The following ACP4 variants were observed in gnomAD, a reference collection of about 807,000 sequenced individuals.
ACP4 encodes the protein acid phosphatase 4.
In ACP4, 49 loss-of-function variants were observed where a neutral mutation model predicts 47.3. That is an observed-to-expected ratio of 1.04 (90% CI 0.82 to 1.32). The LOEUF (loss-of-function observed/expected upper bound fraction) is 1.32, where lower values mean the gene tolerates loss of function less well. Ranked by LOEUF, ACP4 falls within the 40% of genes most tolerant of loss-of-function variation. The probability of loss-of-function intolerance (pLI) is 0.00; values close to 1 mark genes in which losing one functional copy is unlikely to be tolerated. For synonymous variants in ACP4, 299 were observed against 265.3 expected, an observed-to-expected ratio of 1.13 and a Z score of -1.23; for missense variants, 594 against 579.3, an observed-to-expected ratio of 1.03 and a Z score of -0.26.
In ACP4 at chr19:50,794,906, C is replaced by T. The variant is rs145678916; in HGVS notation, c.1107C>T (p.Ala369=). The T allele has an allele frequency of 6.6e-5, 107 of 1,613,590 alleles. No homozygotes were observed. Among genetic ancestry groups the T allele is most frequent in the African/African-American group, 5.6e-4 (42 of 75,062 alleles). ...LGRFYQLTAP[A]RPPAHGVSCH... is the part of the protein sequence containing the mutation. ...GCTTCTACCAGCTGACTGCCCCGGC[C>T]CGGCCTCCCGCCCATGGGGTCTCCT... Residue 369 remains alanine (A), a synonymous_variant, in exon 10 of 11, where the codon GCC becomes GCT. Transcript: ENST00000270593.
At position 50,795,185 on chromosome 19, in the gene ACP4, C is replaced by G; in HGVS notation, c.*27C>G. 6.6e-7 allele frequency: 1 copy of G among 1,512,958 alleles called. No homozygotes were observed. Among genetic ancestry groups the G allele is most frequent in the Non-Finnish European group, 8.8e-7 (1 of 1,130,850 alleles). The allele number at this position is 1,512,958 out of a possible 1,614,324, so 93.7% of individuals were successfully genotyped here. A position where few individuals can be genotyped will look rare whatever the true frequency, so the allele number is the denominator to read the frequency against. On this transcript the variant is annotated 3_prime_UTR_variant, in exon 11 of 11. Transcript: ENST00000270593. The stretch of plus-strand genomic sequence containing the variant: ...CCAGAAACCAGGGCTTCCCTACCCC[C>G]AGCTGACACTGGACCCCAACATGTA...
Position 50,794,882 on chromosome 19 carries a change from C to A in ACP4, c.1083C>A (p.Arg361=). 1.2e-6 allele frequency: 2 copies of A among 1,613,816 alleles called. No homozygotes were observed. Among genetic ancestry groups the A allele is most frequent in the Non-Finnish European group, 1.7e-6 (2 of 1,179,976 alleles). The change falls in exon 10 of 11, where the codon CGC becomes CGA. Residue 361 remains arginine, a synonymous_variant. Transcript: ENST00000270593. ...GCCCGGCCCCCTGTCCACTAGGCCGCTTCTACCAGCTGACTGCCCCGGCCC... is the reference window on the plus strand; with the variant it reads ...GCCCGGCCCCCTGTCCACTAGGCCGATTCTACCAGCTGACTGCCCCGGCCC... ...PGCPAPCPLG[R]FYQLTAPARP...
In ACP4 at chr19:50,794,866, C is replaced by T. The variant is rs758684330; in HGVS notation, c.1067C>T (p.Pro356Leu). ...LPLSLPGCPA[P>L]CPLGRFYQLT... ...CTCAGCCTCCCCGGGTGCCCGGCCC[C>T]CTGTCCACTAGGCCGCTTCTACCAG... Residue 356 changes from proline (P) to leucine (L), a missense_variant, in exon 10 of 11, where the codon CCC (proline) becomes CTC (leucine). Coordinates refer to ENST00000270593, the MANE Select transcript of ACP4 (RefSeq NM_033068.3). 9.3e-6 allele frequency: 15 copies of T among 1,613,648 alleles called. No individual in the cohort carries two copies. Among genetic ancestry groups the T allele is most frequent in the Middle Eastern group, 1.6e-4 (1 of 6,078 alleles).
chr19:50,790,660 T>A lies in ACP4; in HGVS notation c.178T>A (p.Ser60Thr). 1 of 1,397,024 alleles carries A rather than the reference T, an allele frequency of 7.2e-7. No individual in the cohort carries two copies. Among genetic ancestry groups the A allele is most frequent in the Admixed American group, 2.1e-5 (1 of 46,778 alleles). 86.5% of individuals were successfully genotyped at this position (1,397,024 alleles called of 1,614,324 possible). ...CATGGACCCACACAAGGAGGTGGCC[T>A]CCACCCTGTGGCCACGAGGCCTGGG... ...YPMDPHKEVA[S>T]TLWPRGLGQL... The change falls in exon 2 of 11, where the codon TCC becomes ACC. Residue 60 changes from serine (S) to threonine (T), a missense_variant. Transcript: ENST00000270593.
intron 8 of ACP4, 52 bp from the exon 9 acceptor site, chr19:50,794,405 G>A: frequency 6.2e-7 from 1 of 1,607,072 alleles, no homozygotes. Flanking sequence ...TAGTGCTCAG[G>A]AGAAAGGCCT....
chr19:50,790,941 C>G, intron 3 of ACP4, 81 bp downstream of exon 3: 1 of 1,352,598 alleles, frequency 7.4e-7, no homozygotes, highest in Admixed American at 2.3e-5. Context: ...CTTTGGGCCT[C>G]CACCTCTGGC....
At chr19:50,792,575 G>T in intron 6 of ACP4, 1 of 499,186 alleles carries the variant, frequency 2.0e-6, no homozygotes, top group Non-Finnish European at 3.5e-6. Flanking sequence ...TGAGGGCCTT[G>T]CCAGGGTTTG....
Position 50,793,752 on chromosome 19 carries a change from G to C in ACP4, c.714G>C (p.Ser238=), listed in dbSNP as rs771651536. 6.2e-6 allele frequency: 10 copies of C among 1,613,676 alleles called. No homozygotes were observed. The highest frequency in any genetic ancestry group is 2.2e-5 in the East Asian group (1 of 44,898). Residue 238 remains serine, a synonymous_variant, in exon 7 of 11, where the codon TCG becomes TCC. Transcript: ENST00000270593. ...PDVLRTLAQI[S]ALDIGAHVGP... ...TCCTGCGGACTCTTGCCCAGATCTC[G>C]GCTTTGGATATTGGAGCCCACGTGG...
chr19:50,792,199 A>G (rs1568464984), intron 5 of ACP4, 28 bp downstream of exon 5: 9 of 1,611,088 alleles, frequency 5.6e-6, no homozygotes, highest in Non-Finnish European at 7.6e-6. Context: ...GGGGGGCGGG[A>G]TGCAGGGGAT....
At position 50,794,967 on chromosome 19, in the gene ACP4, G is replaced by C. The variant is rs1237348822; in HGVS notation, c.1165+3G>C. The C allele has an allele frequency of 1.2e-6, 2 of 1,613,360 alleles. No individual in the cohort carries two copies. Among genetic ancestry groups the C allele is most frequent in the Non-Finnish European group, 1.7e-6 (2 of 1,179,820 alleles). ...CTATGAGGCTGCCATCCCCCCAGGT[G>C]ACAGTCCTCTGTGTTGGGGTGGGAG... On this transcript the variant is annotated splice_donor_region_variant and intron_variant, in intron 10 of 10. Coordinates refer to ENST00000270593, the MANE Select transcript of ACP4 (RefSeq NM_033068.3).
intron 6 of ACP4, chr19:50,793,152 C>G (rs2089524307): frequency 6.4e-6 from 1 of 157,460 alleles, no homozygotes; most frequent in Admixed American, 6.0e-5. Context: ...TGAAATACCT[C>G]TGGCCCCAGG....
Position 50,794,026 on chromosome 19 carries a change from A to G in ACP4, c.861+56A>G, listed in dbSNP as rs529635557. The stretch of plus-strand genomic sequence containing the variant: ...ACTGAGGCACAGGGATGAGGGTGAC[A>G]GCGATTTAGGTGAGGAAGAGCCTGT... On this transcript the variant is annotated intron_variant, in intron 8 of 10. Transcript: ENST00000270593. 5 of 1,598,918 alleles carry G rather than the reference A, an allele frequency of 3.1e-6. No individual in the cohort carries two copies. The South Asian group carries it at 5.5e-5, about 18-fold the overall frequency.
In ACP4 at chr19:50,790,809, C is replaced by T; in HGVS notation, c.252C>T (p.Phe84=). The T allele has an allele frequency of 6.5e-7, 1 of 1,548,686 alleles. No homozygotes were observed. Among genetic ancestry groups the T allele is most frequent in the Non-Finnish European group, 8.7e-7 (1 of 1,146,802 alleles). Residue 84 remains phenylalanine (F), a synonymous_variant, in exon 3 of 11, where the codon TTC becomes TTT. Coordinates refer to ENST00000270593, the MANE Select transcript of ACP4 (RefSeq NM_033068.3). ...GCCAGCAGCTGGAGCTGGGCCGCTT[C>T]CTGAGGAGCCGCTACGAGGCCTTCC... The part of the protein sequence containing the change: ...GVRQQLELGR[F]LRSRYEAFLS...
At chr19:50,793,593 G>T in intron 6 of ACP4, 91 bp from the exon 7 acceptor site, 1 of 1,527,952 alleles carries the variant, frequency 6.5e-7, no homozygotes, top group Non-Finnish European at 8.9e-7. Context: ...GCCCATGGGG[G>T]GACTCAGAAG....
chr19:50,790,523 C>G lies in ACP4; in HGVS notation c.109C>G (p.Leu37Val), dbSNP rs1184850516. 6.5e-7 allele frequency: 1 copy of G among 1,545,558 alleles called. No homozygotes were observed. The highest frequency in any genetic ancestry group is 2.0e-5 in the Admixed American group (1 of 50,858). Residue 37 changes from leucine to valine, a missense_variant and splice_region_variant, in exon 1 of 11, where the codon CTG becomes GTG. By Grantham distance (32) the Leu-to-Val change is conservative. Transcript: ENST00000270593. ...LPEGPLVFVA[L>V]VFRHGDRAPL... ...AGAAGGACCCCTGGTGTTCGTGGCT[C>G]TGGTGAGGCGCCCCCACCCCGGCCT...
chr19:50,791,609 G>A, intron 3 of ACP4, 47 bp from the exon 4 acceptor site: 2 of 1,584,956 alleles, frequency 1.3e-6, no homozygotes, highest in Non-Finnish European at 1.7e-6. Flanking sequence ...GCTGACCTCT[G>A]TCCCCAACCA....
At position 50,793,693 on chromosome 19, in the gene ACP4, G is replaced by T; in HGVS notation, c.655G>T (p.Gly219Cys). 6.2e-7 allele frequency: 1 copy of T among 1,613,308 alleles called. No individual in the cohort carries two copies. Among genetic ancestry groups the T allele is most frequent in the South Asian group, 1.1e-5 (1 of 91,056 alleles). ...TCCTGTCTCCCCACAGCAAGCCCAC[G>T]GTCTTCCACTACCAGCCTGGGCCTC... The part of the protein sequence containing the change: ...LDTLMCQQAH[G>C]LPLPAWASPD... The change falls in exon 7 of 11, where the codon GGT becomes TGT. Residue 219 changes from glycine to cysteine, a missense_variant. Gly to Cys is a radical substitution (Grantham distance 159, BLOSUM62 -3). Coordinates refer to ENST00000270593, the MANE Select transcript of ACP4 (RefSeq NM_033068.3).
rs140570998 is a variant in ACP4 at position 50,792,141 on chromosome 19, C to T, written c.519C>T (p.Ala173=). 118 of 1,609,140 alleles carry T rather than the reference C, an allele frequency of 7.3e-5. No homozygotes were observed. The highest frequency in any genetic ancestry group is 5.9e-4 in the Admixed American group (35 of 59,758). ...TGCTGCGGGAGGCCACCGAGGCCGC[C>T]GAGTACCAGGAGGCCCTGGAGGGCT... ...HELLREATEA[A]EYQEALEGWT... Residue 173 remains alanine (A), a synonymous_variant, in exon 5 of 11, where the codon GCC becomes GCT. Transcript: ENST00000270593.
At position 50,792,182 on chromosome 19, in the gene ACP4, C is replaced by A; in HGVS notation, c.549+11C>A. Reference sequence around the variant, plus strand: ...CTGGAGGGCTGGACGGTGAGCAGGGCGGCGGTGGGGGGCGGGATGCAGGGG... The same window carrying A: ...CTGGAGGGCTGGACGGTGAGCAGGGAGGCGGTGGGGGGCGGGATGCAGGGG... On this transcript the variant is annotated intron_variant, in intron 5 of 10. Coordinates refer to ENST00000270593, the MANE Select transcript of ACP4 (RefSeq NM_033068.3). 1 of 1,610,326 alleles carries A rather than the reference C, an allele frequency of 6.2e-7. No homozygotes were observed. Among genetic ancestry groups the A allele is most frequent in the African/African-American group, 1.3e-5 (1 of 75,006 alleles).
Sources: allele counts gnomAD v4.1 joint callset, GRCh38; gene constraint gnomAD v4.1.1; transcripts MANE v1.5; gene names NCBI Gene and HGNC (gene_info 2026-07-23, HGNC 2026-07-21).